Variants in OR2M4 observed in about 807,000 individuals in gnomAD.
OR2M4 encodes olfactory receptor family 2 subfamily M member 4, also known as olfactory receptor 2M4.
Under a neutral mutation model 13.7 loss-of-function variants are expected in OR2M4, and 8 were observed. The observed-to-expected ratio is 0.58, with a 90% confidence interval of 0.34 to 1.05. OR2M4 has a LOEUF of 1.05. Ranked by LOEUF, OR2M4 falls within the 50% of genes least tolerant of loss-of-function variation. The pLI is 0.02. For missense variants in OR2M4, 374 were observed against 381.6 expected (o/e 0.98, Z 0.17); for synonymous variants, 152 against 141.3 (o/e 1.08, Z -0.53).
At chr1:248,233,806 A>G (rs80106991) in intron 1 of OR2M4, among the ~76,000 whole-genome samples, 79 of 152,168 alleles carry the variant, frequency 5.2e-4, no homozygotes, top group African/African-American at 1.8e-3. Context: ...GATATAATTA[A>G]TTTGGGACTC....
At chr1:248,234,805 ATGTCTTCT>A (rs1393316074) in intron 1 of OR2M4, among the ~76,000 whole-genome samples, 1 of 151,424 alleles carries the variant, frequency 6.6e-6, no homozygotes, top group African/African-American at 2.4e-5. Flanking sequence ...GGGCACATAT[ATGTCTTCT>A]TTGAGAAGTG....
At chr1:248,235,862 C>G (rs147730047) in intron 1 of OR2M4, among the ~76,000 whole-genome samples, 62 of 152,198 alleles carry the variant, frequency 4.1e-4, no homozygotes, top group Admixed American at 7.2e-4. Context: ...TATCCTGAGA[C>G]GTTGTTGAAG....
intron 1 of OR2M4, among the ~76,000 whole-genome samples, chr1:248,238,638 G>A (rs547770160): frequency 6.6e-6 from 1 of 152,234 alleles, no homozygotes; most frequent in South Asian, 2.1e-4. Flanking sequence ...CTGTACATGT[G>A]GGTAAGTAGG....
At position 248,243,434 on chromosome 1, in the gene OR2M4, T is replaced by A. The variant is rs1277193110; in HGVS notation, c.*3570T>A. The A allele has an allele frequency of 6.6e-6, 1 of 152,188 alleles. No homozygotes were observed. Among genetic ancestry groups the A allele is most frequent in the Non-Finnish European group, 1.5e-5 (1 of 68,050 alleles). The allele number at this position is 152,188 out of a possible 1,614,324, so 9.4% of individuals were successfully genotyped here. On this transcript the variant is annotated 3_prime_UTR_variant, in exon 2 of 2. Transcript: ENST00000641868. ...GATGCCTCCTTACCAGGACGACTCC[T>A]GAGCCTTGGAGGAGGCCCCTCCAAT... is the stretch of plus-strand genomic sequence containing the variant.
rs145579436 is a variant in OR2M4 at position 248,239,497 on chromosome 1, C to T, written c.569C>T (p.Thr190Ile). The T allele has an allele frequency of 1.3e-4, 209 of 1,613,982 alleles. No individual in the cohort carries two copies. Among genetic ancestry groups the T allele is most frequent in the Non-Finnish European group, 1.7e-4 (200 of 1,180,004 alleles). Residue 190 changes from threonine to isoleucine, a missense_variant, in exon 2 of 2, where the codon ACA (threonine) becomes ATA (isoleucine). Transcript: ENST00000641868. ...DVAALLPLSCTETSAFERLLV... is the reference protein window; with the variant it reads ...DVAALLPLSCIETSAFERLLV... ...GCTGCCCTTTTACCTCTATCCTGCA[C>T]AGAAACATCTGCATTTGAAAGACTA...
At chr1:248,233,900 T>G (rs1225913521) in intron 1 of OR2M4, among the ~76,000 whole-genome samples, 2 of 152,132 alleles carry the variant, frequency 1.3e-5, no homozygotes, top group East Asian at 3.9e-4. Flanking sequence ...AATTGAGAGC[T>G]TTTTACAAAG....
intron 1 of OR2M4, among the ~76,000 whole-genome samples, chr1:248,236,770 G>T (rs1666561068): frequency 6.6e-6 from 1 of 152,138 alleles, no homozygotes. Context: ...ACTACCATCT[G>T]AGAATACTAT....
chr1:248,242,674 G>T lies in OR2M4; in HGVS notation c.*2810G>T, dbSNP rs1348401389. ...CAAATAGAAGTGTGATTTACATTTTGTCAGCAACATCACACCTTATGTGAA... is the reference window on the plus strand; with the variant it reads ...CAAATAGAAGTGTGATTTACATTTTTTCAGCAACATCACACCTTATGTGAA... On this transcript the variant is annotated 3_prime_UTR_variant, in exon 2 of 2. Coordinates refer to ENST00000641868, the MANE Select transcript of OR2M4 (RefSeq NM_017504.2). 1.3e-5 allele frequency: 2 copies of T among 152,060 alleles called. No homozygotes were observed. The highest frequency in any genetic ancestry group is 2.4e-5 in the African/African-American group (1 of 41,388). The allele number at this position is 152,060 out of a possible 1,614,324, so 9.4% of individuals were successfully genotyped here.
chr1:248,244,635 G>A lies in OR2M4; in HGVS notation c.*4771G>A, dbSNP rs1267472794. On this transcript the variant is annotated 3_prime_UTR_variant, in exon 2 of 2. Coordinates refer to ENST00000641868, the MANE Select transcript of OR2M4 (RefSeq NM_017504.2). ...TGGGATCTATACCCTAAACCTCAGC[G>A]TGATGAAATATACACATGTAACAAA... 1.3e-5 allele frequency: 2 copies of A among 152,096 alleles called. No homozygotes were observed. The highest frequency in any genetic ancestry group is 2.9e-5 in the Non-Finnish European group (2 of 68,014). The allele number at this position is 152,096 out of a possible 1,614,324, so 9.4% of individuals were successfully genotyped here.
rs1363496760 is a variant in OR2M4, at chr1:248,239,014, C to T, written c.86C>T (p.Ser29Phe). 9 of 1,613,170 alleles carry T rather than the reference C, an allele frequency of 5.6e-6. No individual in the cohort carries two copies. The African/African-American group carries it at 8.0e-5, about 14-fold the overall frequency. ...AGTCCCACCCACACCTTCCTTTTTT[C>T]TCTGGTCCTGGGCATCTTCTCACTG... ...NHSPTHTFLF[S>F]LVLGIFSLAL... The change falls in exon 2 of 2, where the codon TCT becomes TTT. Residue 29 changes from serine to phenylalanine, a missense_variant. Physicochemically the swap from Ser to Phe is radical, Grantham distance 155. Coordinates refer to ENST00000641868, the MANE Select transcript of OR2M4 (RefSeq NM_017504.2).
chr1:248,235,880 T>TA (rs1643733495), intron 1 of OR2M4, among the ~76,000 whole-genome samples: 3 of 152,300 alleles, frequency 2.0e-5, no homozygotes, highest in Non-Finnish European at 4.4e-5. Context: ...AAGTTGCTTG[T>TA]CAGCTTAAAG....
At position 248,239,921 on chromosome 1, in the gene OR2M4, G is replaced by A; in HGVS notation, c.*57G>A. 2.9e-6 allele frequency: 3 copies of A among 1,041,322 alleles called. No individual in the cohort carries two copies. The highest frequency in any genetic ancestry group is 4.1e-6 in the Non-Finnish European group (3 of 723,286). 64.5% of individuals were successfully genotyped at this position (1,041,322 alleles called of 1,614,324 possible). On this transcript the variant is annotated 3_prime_UTR_variant, in exon 2 of 2. Coordinates refer to ENST00000641868, the MANE Select transcript of OR2M4 (RefSeq NM_017504.2). ...GGTCAACACTCATTCAAAAAAACTG[G>A]AATCTCTTAAATTATTCTATTTCTA... is the stretch of plus-strand genomic sequence containing the variant.
chr1:248,243,677 C>T lies in OR2M4; in HGVS notation c.*3813C>T, dbSNP rs1273549545. 6.6e-6 allele frequency: 1 copy of T among 152,202 alleles called. No individual in the cohort carries two copies. Among genetic ancestry groups the T allele is most frequent in the Admixed American group, 6.5e-5 (1 of 15,278 alleles). The allele number at this position is 152,202 out of a possible 1,614,324, so 9.4% of individuals were successfully genotyped here. A position where few individuals can be genotyped will look rare whatever the true frequency, so the allele number is the denominator to read the frequency against. The stretch of plus-strand genomic sequence containing the variant: ...TAATTTTTGGCTAATTTCCCAAAAA[C>T]ATTTGCAACAAAAATTGACAAGCTA... On this transcript the variant is annotated 3_prime_UTR_variant, in exon 2 of 2. Coordinates refer to ENST00000641868, the MANE Select transcript of OR2M4 (RefSeq NM_017504.2).
chr1:248,234,850 C>T (rs980753800), intron 1 of OR2M4, among the ~76,000 whole-genome samples: 2 of 151,068 alleles, frequency 1.3e-5, no homozygotes, highest in African/African-American at 2.4e-5. Context: ...GCCTACTTTT[C>T]GATGGGGTTG....
At position 248,238,908 on chromosome 1, in the gene OR2M4, A is replaced by G; in HGVS notation, c.-19-2A>G. 1 of 1,527,754 alleles carries G rather than the reference A, an allele frequency of 6.5e-7. No individual in the cohort carries two copies. Among genetic ancestry groups the G allele is most frequent in the South Asian group, 1.3e-5 (1 of 78,802 alleles). The allele number at this position is 1,527,754 out of a possible 1,614,324, so 94.6% of individuals were successfully genotyped here. ...AGCTTGTACCTTCTTTGGAATTCTC[A>G]GATAAGGCAAATTATCCAGGATGGT... On this transcript the variant is annotated splice_acceptor_variant, in intron 1 of 1. Coordinates refer to ENST00000641868, the MANE Select transcript of OR2M4 (RefSeq NM_017504.2). LOFTEE classifies it low-confidence loss of function (5UTR_SPLICE).
rs1666593748 is a variant in OR2M4 at position 248,239,508 on chromosome 1, GCATTTGAAAGACTACTTGT to G, written c.587_605del (p.Glu196ValfsTer4). On this transcript the variant is annotated frameshift_variant, in exon 2 of 2. Coordinates refer to ENST00000641868, the MANE Select transcript of OR2M4 (RefSeq NM_017504.2). LOFTEE classifies it high-confidence loss of function. ...ACCTCTATCCTGCACAGAAACATCT[GCATTTGAAAGACTACTTGT>G]CATTTGTTGTGTGGTAATGCTAATC... The G allele has an allele frequency of 6.2e-7, 1 of 1,613,928 alleles. No homozygotes were observed. Among genetic ancestry groups the G allele is most frequent in the Admixed American group, 1.7e-5 (1 of 59,996 alleles).
At position 248,239,456 on chromosome 1, in the gene OR2M4, C is replaced by T. The variant is rs6666148; in HGVS notation, c.528C>T (p.His176=). 1,197,148 of 1,613,596 alleles carry T rather than the reference C, an allele frequency of 0.74. 447,676 individuals are homozygous for T. The highest frequency in any genetic ancestry group is 0.88 in the South Asian group (80,166 of 91,070). ...ACTGCAGCTCTCTGGAAATTCATCA[C>T]TTTTTCTGTGATGTTGCTGCCCTTT... ...FSYCSSLEIH[H]FFCDVAALLP... is the part of the protein sequence containing the mutation. Residue 176 remains histidine (H), a synonymous_variant, in exon 2 of 2, where the codon CAC becomes CAT. Transcript: ENST00000641868.
Position 248,239,595 on chromosome 1 carries a change from C to G in OR2M4, c.667C>G (p.Arg223Gly), listed in dbSNP as rs143728385. 6.2e-7 allele frequency: 1 copy of G among 1,614,060 alleles called. No homozygotes were observed. ...VIILSYSHVL[R>G]AVIHMGSGES... Reference sequence around the variant, plus strand: ...CATACTTTCCTATTCCCATGTCCTTCGAGCCGTCATCCACATGGGCTCTGG... The same window carrying G: ...CATACTTTCCTATTCCCATGTCCTTGGAGCCGTCATCCACATGGGCTCTGG... The change falls in exon 2 of 2, where the codon CGA becomes GGA. Residue 223 changes from arginine (R) to glycine (G), a missense_variant. Transcript: ENST00000641868.
intron 1 of OR2M4, among the ~76,000 whole-genome samples, chr1:248,235,173 A>T (rs936712095): frequency 3.9e-5 from 6 of 152,164 alleles, no homozygotes; most frequent in Non-Finnish European, 8.8e-5. Flanking sequence ...TCTTGAGCTT[A>T]TTTTTGTATA....
Sources: allele counts gnomAD v4.1 joint callset (sites outside exome capture counted in the v4.1 genomes callset), GRCh38; gene constraint gnomAD v4.1.1; transcripts MANE v1.5; gene names NCBI Gene and HGNC (gene_info 2026-07-23, HGNC 2026-07-21).